PRKCH: variants seen among roughly 807,000 people sequenced by gnomAD.
The protein encoded by PRKCH is protein kinase C eta, also known as protein kinase C eta type.
Under a neutral mutation model 82.5 loss-of-function variants are expected in PRKCH, and 28 were observed. The ratio of observed to expected loss-of-function variants is 0.34; its 90% CI spans 0.25 to 0.47. The LOEUF (loss-of-function observed/expected upper bound fraction) is 0.47. Ranked by LOEUF, PRKCH falls within the 20% of genes least tolerant of loss-of-function variation. PRKCH has a pLI of 1.00. For synonymous variants in PRKCH, 322 were observed against 327.4 expected (o/e 0.98, Z 0.18); for missense variants, 705 against 881.8 (o/e 0.80, Z 2.54).
intron 7 of PRKCH, among the ~76,000 whole-genome samples, chr14:61,455,067 T>TC (rs1443882575): frequency 6.6e-6 from 1 of 151,700 alleles, no homozygotes; most frequent in African/African-American, 2.4e-5. Flanking sequence ...TCTGGCTCTG[T>TC]CGCCCAGGCT....
intron 10 of PRKCH, among the ~76,000 whole-genome samples, chr14:61,503,598 G>T (rs1566917581): frequency 1.3e-5 from 2 of 152,264 alleles, no homozygotes; most frequent in South Asian, 2.1e-4. Context: ...CACAGGCCAG[G>T]TTCCCAGCAT....
chr14:61,324,361 A>G (rs2045668225), intron 1 of PRKCH, among the ~76,000 whole-genome samples: 1 of 152,190 alleles, frequency 6.6e-6, no homozygotes, highest in East Asian at 1.9e-4. Flanking sequence ...GTTTTGGAAA[A>G]CGTTGAGTGG....
In PRKCH at chr14:61,459,420, G is replaced by C. The variant is rs190762108; in HGVS notation, c.1278+1741G>C. 2.6e-5 allele frequency among the ~76,000 whole-genome samples: 4 copies of C among 152,350 alleles called. No individual in the cohort carries two copies. In the East Asian group the frequency reaches 7.7e-4, roughly 29 times the overall value. ...ACACTATGGGTCTGCTGGTGAGACA[G>C]AGCATCAGGTGTGAAGGAGGCTCAG... On this transcript the variant is annotated intron_variant, in intron 9 of 13. Coordinates refer to ENST00000332981, the MANE Select transcript of PRKCH (RefSeq NM_006255.5).
chr14:61,462,379 G>A (rs1303702799), intron 9 of PRKCH, among the ~76,000 whole-genome samples: 1 of 152,076 alleles, frequency 6.6e-6, no homozygotes, highest in Non-Finnish European at 1.5e-5. Flanking sequence ...GACAGAGCAC[G>A]ACTTTTTCTC....
intron 2 of PRKCH, among the ~76,000 whole-genome samples, chr14:61,436,588 A>C (rs1883690119): frequency 6.6e-6 from 1 of 152,156 alleles, no homozygotes; most frequent in African/African-American, 2.4e-5. Flanking sequence ...GTTGGAGTAT[A>C]ATGGCGTGAT....
chr14:61,359,598 A>C (rs2046196772), intron 1 of PRKCH, among the ~76,000 whole-genome samples: 1 of 152,160 alleles, frequency 6.6e-6, no homozygotes, highest in Admixed American at 6.5e-5. Flanking sequence ...AACTTCTTGT[A>C]TACTCTGAGA....
At chr14:61,409,529 A>G (rs920147443) in intron 2 of PRKCH, among the ~76,000 whole-genome samples, 2 of 151,666 alleles carry the variant, frequency 1.3e-5, no homozygotes, top group Admixed American at 6.6e-5. Context: ...GATGCCAGGC[A>G]TCTCCACCAA....
intron 1 of PRKCH, among the ~76,000 whole-genome samples, chr14:61,325,076 CTCAG>C (rs1252281653): frequency 2.6e-5 from 4 of 152,304 alleles, no homozygotes; most frequent in African/African-American, 7.2e-5. Flanking sequence ...TCAGTATAAT[CTCAG>C]TCAAAATCTA....
intron 1 of PRKCH, among the ~76,000 whole-genome samples, chr14:61,295,313 A>C (rs1056080055): frequency 3.3e-5 from 5 of 152,232 alleles, no homozygotes; most frequent in African/African-American, 1.2e-4. Flanking sequence ...TCCAGGTCTG[A>C]AAGACTGGTT....
intron 9 of PRKCH, among the ~76,000 whole-genome samples, chr14:61,465,753 A>G (rs1021246911): frequency 3.9e-5 from 6 of 152,196 alleles, no homozygotes; most frequent in African/African-American, 7.2e-5. Context: ...GCATTTAGCA[A>G]TGGGGGTACA....
At chr14:61,533,197 C>T (rs539311405) in intron 12 of PRKCH, among the ~76,000 whole-genome samples, 4 of 151,950 alleles carry the variant, frequency 2.6e-5, no homozygotes, top group Non-Finnish European at 5.9e-5. Context: ...GTAAACTTCC[C>T]GGGCACATAA....
At position 61,453,233 on chromosome 14, in the gene PRKCH, A is replaced by C. The variant is rs1437949530; in HGVS notation, c.840A>C (p.Lys280Asn). ...MRQGLQCKICKMNVHIRCQAN... is the reference protein window; with the variant it reads ...MRQGLQCKICNMNVHIRCQAN... ...TTTTCCTTTTCCCTCTAGTATGTAA[A>C]ATGAATGTGCATATTCGATGTCAAG... Residue 280 changes from lysine (K) to asparagine (N), a missense_variant, in exon 7 of 14, where the codon AAA becomes AAC. Coordinates refer to ENST00000332981, the MANE Select transcript of PRKCH (RefSeq NM_006255.5). 3.1e-6 allele frequency: 5 copies of C among 1,614,070 alleles called. No individual in the cohort carries two copies. The highest frequency in any genetic ancestry group is 4.2e-6 in the Non-Finnish European group (5 of 1,180,034).
intron 2 of PRKCH, among the ~76,000 whole-genome samples, chr14:61,416,053 C>CTTTTTTTTTTTTTTTTTTT (rs71117815): frequency 4.2e-5 from 4 of 94,184 alleles, no homozygotes; most frequent in African/African-American, 8.5e-5. Flanking sequence ...CTTTTCTTTT[C>CTTTTTTTTTTTTTTTTTTT]TTTTTTTTTT....
intron 9 of PRKCH, among the ~76,000 whole-genome samples, chr14:61,466,197 T>C (rs1298564757): frequency 1.3e-5 from 2 of 152,184 alleles, no homozygotes; most frequent in African/African-American, 4.8e-5. Flanking sequence ...TTTTTTCCTA[T>C]TTACCAAATT....
intron 1 of PRKCH, among the ~76,000 whole-genome samples, chr14:61,290,567 G>T (rs1222876776): frequency 2.0e-5 from 3 of 152,174 alleles, no homozygotes; most frequent in African/African-American, 7.2e-5. Flanking sequence ...GTTTTTCCAA[G>T]ATGTCCTCTG....
intron 5 of PRKCH, 61 bp downstream of exon 5, chr14:61,449,313 C>A (rs954807245): frequency 9.5e-5 from 133 of 1,401,956 alleles, no homozygotes; most frequent in Non-Finnish European, 8.5e-5. Context: ...TGTGTACCGC[C>A]GTCTCTCTCC....
intron 10 of PRKCH, among the ~76,000 whole-genome samples, chr14:61,504,088 G>A (rs1471943292): frequency 6.6e-6 from 1 of 152,128 alleles, no homozygotes; most frequent in Non-Finnish European, 1.5e-5. Context: ...ACCTGTTGCA[G>A]AGGTAGGTCA....
rs906311996 is a variant in PRKCH at position 61,402,797 on chromosome 14, C to CA, written c.427+11518dup. ...CTGGTGACAGAGCGAAACTCTGTCT[C>CA]AAAAAAAAAGAAAAAAAGAAAAAAG... On this transcript the variant is annotated intron_variant, in intron 2 of 13. Transcript: ENST00000332981. Among the ~76,000 whole-genome samples the CA allele has an allele frequency of 7.2e-4, 100 of 139,368 alleles. No individual in the cohort carries two copies. The East Asian group carries it at 0.013, about 19-fold the overall frequency. 91.4% of individuals were successfully genotyped at this position (139,368 alleles called of 152,430 possible). A position where few individuals can be genotyped will look rare whatever the true frequency, so the allele number is the denominator to read the frequency against.
chr14:61,255,602 C>T (rs114207375), intron 1 of PRKCH, among the ~76,000 whole-genome samples: 4,385 of 152,192 alleles, frequency 0.029, 115 homozygotes, highest in East Asian at 0.067. Context: ...TTAGCATTTC[C>T]ACCCCACCTT....
Sources: gnomAD v4.1 joint callset for allele counts (sites outside exome capture counted in the v4.1 genomes callset) on GRCh38, gnomAD v4.1.1 for gene constraint, MANE v1.5 for transcripts, NCBI Gene and HGNC (gene_info 2026-07-23, HGNC 2026-07-21) for gene names.